ARFGEF3: variants seen among roughly 807,000 people sequenced by gnomAD.
ARFGEF3 encodes the protein brefeldin A-inhibited guanine nucleotide-exchange protein 3.
Under a neutral mutation model 221.7 loss-of-function variants are expected in ARFGEF3, and 96 were observed. That is an observed-to-expected ratio of 0.43 (90% confidence interval 0.37 to 0.51). The LOEUF is 0.51. ARFGEF3 is among the 20% of genes least tolerant of loss of function. ARFGEF3 has a pLI of 0.00. For synonymous variants in ARFGEF3, 1,145 were observed against 1,126.8 expected (o/e 1.02, Z -0.32); for missense variants, 2,410 against 2,789.9 (o/e 0.86, Z 3.07).
chr6:138,266,644 T>A (rs1305089125), intron 12 of ARFGEF3, among the ~76,000 whole-genome samples: 4 of 151,972 alleles, frequency 2.6e-5, no homozygotes, highest in African/African-American at 9.7e-5. Context: ...GGTTAGGAGA[T>A]CGAGACCATC....
At chr6:138,261,700 G>A in intron 11 of ARFGEF3, 61 bp downstream of exon 11, 1 of 931,592 alleles carries the variant, frequency 1.1e-6, no homozygotes, top group Non-Finnish European at 1.5e-6. Flanking sequence ...TTTTAACCTT[G>A]CTTACAAGTC....
chr6:138,255,563 G>T lies in ARFGEF3; in HGVS notation c.898G>T (p.Asp300Tyr). Residue 300 changes from aspartate to tyrosine, a missense_variant, in exon 10 of 34, where the codon GAC becomes TAC. By Grantham distance (160) the Asp-to-Tyr change is radical. Around this residue, in one of 5 missense-constraint regions of ARFGEF3, gnomAD observed 570 missense variants for 586.9 expected, o/e 0.97. Coordinates refer to ENST00000251691, the MANE Select transcript of ARFGEF3 (RefSeq NM_020340.5). ...ESDSASPGVS[D>Y]HGRGSGCSCT... ...GGACTCTGCGTCTCCGGGAGTGTCT[G>T]ACCACGGCCGAGGATCAGGCTGCTC... 1 of 1,614,014 alleles carries T rather than the reference G, an allele frequency of 6.2e-7. No individual in the cohort carries two copies. The highest frequency in any genetic ancestry group is 1.1e-5 in the South Asian group (1 of 91,072).
In ARFGEF3 at chr6:138,291,645, G is replaced by C. The variant is rs977739322; in HGVS notation, c.3048-88G>C. ...AGCTGGGGAGCTTGCAGAGCTGGCT[G>C]CATTTCCTTTGTCTGGCACTGTGGG... On this transcript the variant is annotated intron_variant, in intron 18 of 33. Coordinates refer to ENST00000251691, the MANE Select transcript of ARFGEF3 (RefSeq NM_020340.5). This position sits in a 1 kb window ranked among gnomAD's most constrained non-coding sequence, Gnocchi z 4.5. 16 of 937,672 alleles carry C rather than the reference G, an allele frequency of 1.7e-5. No homozygotes were observed. The highest frequency in any genetic ancestry group is 2.2e-5 in the Non-Finnish European group (15 of 697,670). 58.1% of individuals were successfully genotyped at this position (937,672 alleles called of 1,614,324 possible). A position where few individuals can be genotyped will look rare whatever the true frequency, so the allele number is the denominator to read the frequency against.
Position 138,271,176 on chromosome 6 carries a change from G to A in ARFGEF3, c.2129-7275G>A, listed in dbSNP as rs1385853050. ...AAATCCTCTACCAACACCTGGCATTGTGGAATATAAAACTTAGAGAATACA... is the reference window on the plus strand; with the variant it reads ...AAATCCTCTACCAACACCTGGCATTATGGAATATAAAACTTAGAGAATACA... On this transcript the variant is annotated intron_variant, in intron 12 of 33. Transcript: ENST00000251691. Among the ~76,000 whole-genome samples the A allele has an allele frequency of 2.6e-5, 4 of 152,178 alleles. No individual in the cohort carries two copies. In the South Asian group the frequency reaches 6.2e-4, roughly 24 times the overall value.
rs184191286 is a variant in ARFGEF3 at position 138,332,093 on chromosome 6, A to T, written c.5124-1877A>T. 5.1e-3 allele frequency among the ~76,000 whole-genome samples: 770 copies of T among 152,166 alleles called. 23 individuals are homozygous for T. The highest frequency in any genetic ancestry group is 0.049 in the Admixed American group (743 of 15,304). ...GGTGTTGGCTGGAAAATGGCTTTCC[A>T]TTTCTCAGGGAAGGTAATAAAAAAC... is the stretch of plus-strand genomic sequence containing the variant. On this transcript the variant is annotated intron_variant, in intron 32 of 33. Coordinates refer to ENST00000251691, the MANE Select transcript of ARFGEF3 (RefSeq NM_020340.5).
intron 10 of ARFGEF3, among the ~76,000 whole-genome samples, chr6:138,257,714 C>A (rs34465777): frequency 6.6e-6 from 1 of 152,184 alleles, no homozygotes; most frequent in Non-Finnish European, 1.5e-5. Flanking sequence ...GTTGGAACAG[C>A]TGCCCATTTC....
chr6:138,163,233 A>G (rs1776653975), intron 1 of ARFGEF3, among the ~76,000 whole-genome samples: 1 of 152,176 alleles, frequency 6.6e-6, no homozygotes, highest in Non-Finnish European at 1.5e-5. Flanking sequence ...GTGTGTGTAC[A>G]GGTAATTATA....
At chr6:138,180,069 T>C (rs1777047312) in intron 2 of ARFGEF3, among the ~76,000 whole-genome samples, 1 of 152,198 alleles carries the variant, frequency 6.6e-6, no homozygotes, top group South Asian at 2.1e-4. Flanking sequence ...CACCTTAGCC[T>C]CCCAAAGTGT....
rs544818068 is a variant in ARFGEF3, at chr6:138,241,118, C to T, written c.544-1834C>T. On this transcript the variant is annotated intron_variant, in intron 6 of 33. Transcript: ENST00000251691. ...CCTCAAGTATATCCAAATGACTGCC[C>T]CCACAGATCACTCAAGTCAAATCTT... is the stretch of plus-strand genomic sequence containing the variant. 2.5e-4 allele frequency among the ~76,000 whole-genome samples: 38 copies of T among 152,254 alleles called. No individual in the cohort carries two copies. The East Asian group carries it at 5.6e-3, about 22-fold the overall frequency.
At chr6:138,251,892 C>A (rs1382613040) in intron 8 of ARFGEF3, among the ~76,000 whole-genome samples, 1 of 152,128 alleles carries the variant, frequency 6.6e-6, no homozygotes, top group Admixed American at 6.5e-5. Flanking sequence ...GCTTATATGT[C>A]TGTCCAGTCC....
chr6:138,218,231 T>G, intron 4 of ARFGEF3: 2 of 1,613,740 alleles, frequency 1.2e-6, no homozygotes, highest in East Asian at 4.5e-5. Context: ...CTTTTTCTTT[T>G]TTTCGAAATA....
At position 138,186,937 on chromosome 6, in the gene ARFGEF3, CAG is replaced by C. The variant is rs535499517; in HGVS notation, c.137+16227_137+16228del. ...TTTTTTTTTTTTTTTTTTTTTGAGA[CAG>C]AGTTTCACTCTTGTTGCCCAGGCAG... On this transcript the variant is annotated intron_variant, in intron 2 of 33. Transcript: ENST00000251691. Among the ~76,000 whole-genome samples, 466 of 76,066 alleles carry C rather than the reference CAG, an allele frequency of 6.1e-3. 6 individuals are homozygous for C. Among genetic ancestry groups the C allele is most frequent in the African/African-American group, 0.022 (426 of 19,480 alleles). The allele number at this position is 76,066 out of a possible 152,430, so 49.9% of individuals were successfully genotyped here.
intron 2 of ARFGEF3, among the ~76,000 whole-genome samples, chr6:138,187,721 G>A (rs1309707000): frequency 2.0e-5 from 3 of 152,192 alleles, no homozygotes; most frequent in African/African-American, 7.2e-5. Flanking sequence ...GCATGTTTCT[G>A]CCTTCCCAGG....
intron 2 of ARFGEF3, among the ~76,000 whole-genome samples, chr6:138,198,454 A>C (rs1777472399): frequency 6.6e-6 from 1 of 152,242 alleles, no homozygotes; most frequent in Non-Finnish European, 1.5e-5. Context: ...TTAAGGAACC[A>C]ATTTAGTTCC....
intron 2 of ARFGEF3, among the ~76,000 whole-genome samples, chr6:138,199,758 G>GT (rs1197372993): frequency 6.6e-6 from 1 of 152,168 alleles, no homozygotes; most frequent in African/African-American, 2.4e-5. Context: ...TCTTTTATCA[G>GT]TTCTAGGAGC....
At chr6:138,252,910 A>C (rs1163951329) in intron 8 of ARFGEF3, among the ~76,000 whole-genome samples, 1 of 152,170 alleles carries the variant, frequency 6.6e-6, no homozygotes, top group African/African-American at 2.4e-5. Flanking sequence ...TGGGCAGAGA[A>C]GTTAATCTGG....
chr6:138,210,376 TAAAAC>T (rs1777702612), intron 4 of ARFGEF3, among the ~76,000 whole-genome samples: 1 of 152,210 alleles, frequency 6.6e-6, no homozygotes, highest in Non-Finnish European at 1.5e-5. Flanking sequence ...TCGCATATGT[TAAAAC>T]AAAGCAATAA....
chr6:138,275,908 C>T lies in ARFGEF3; in HGVS notation c.2129-2543C>T, dbSNP rs1470132529. Among the ~76,000 whole-genome samples, 3 of 152,122 alleles carry T rather than the reference C, an allele frequency of 2.0e-5. No homozygotes were observed. The South Asian group carries it at 6.2e-4, about 32-fold the overall frequency. On this transcript the variant is annotated intron_variant, in intron 12 of 33. Transcript: ENST00000251691. ...GACTGTTAATTCTAGAAAACGCTTA[C>T]ATTTCATATGAGCCATATTTTTTAT...
chr6:138,213,406 C>T lies in ARFGEF3; in HGVS notation c.351+3365C>T, dbSNP rs150761507. On this transcript the variant is annotated intron_variant, in intron 4 of 33. Transcript: ENST00000251691. ...CTAGGAGGCAGATGTTGCCGTGAGC[C>T]GAGATCGTACCACTGCTCTGTAGCC... 2.9e-4 allele frequency among the ~76,000 whole-genome samples: 43 copies of T among 150,508 alleles called. No homozygotes were observed. The East Asian group carries it at 5.5e-3, about 19-fold the overall frequency.
Sources: gnomAD v4.1 joint callset for allele counts (sites outside exome capture counted in the v4.1 genomes callset) on GRCh38, gnomAD v4.1.1 for gene constraint, gnomAD v4.1.1 regional missense constraint, Gnocchi (gnomAD v3.1) non-coding constraint, MANE v1.5 for transcripts, NCBI Gene and HGNC (gene_info 2026-07-23, HGNC 2026-07-21) for gene names.